Variants in SLC38A6 observed in about 807,000 individuals in gnomAD.
SLC38A6 encodes the protein N system amino acid transporter NAT-1.
A neutral mutation model predicts 65.0 loss-of-function variants in SLC38A6; 73 were observed. The ratio of observed to expected loss-of-function variants is 1.12; its 90% CI spans 0.93 to 1.37. The LOEUF (loss-of-function observed/expected upper bound fraction) is 1.37. Among genes scored for constraint, SLC38A6 ranks in the 40% most tolerant of loss-of-function variants. The probability of loss-of-function intolerance (pLI) is 0.00; values close to 1 mark genes in which losing one functional copy is unlikely to be tolerated. For missense variants in SLC38A6, 561 were observed against 531.1 expected (o/e 1.06, Z -0.55); for synonymous variants, 183 against 178.8 (o/e 1.02, Z -0.19).
intron 16 of SLC38A6, among the ~76,000 whole-genome samples, chr14:61,079,409 T>A (rs1263952114): frequency 6.6e-6 from 1 of 151,932 alleles, no homozygotes; most frequent in African/African-American, 2.4e-5. Context: ...AGTGCTGGGA[T>A]TACAGGTGTG....
chr14:60,981,781 G>T (rs2139655208), intron 1 of SLC38A6: 1 of 1,209,880 alleles, frequency 8.3e-7, no homozygotes, highest in East Asian at 5.6e-5. Context: ...TTAGTCATGG[G>T]GGGAGGGAAA....
rs750950129 is a variant in SLC38A6, at chr14:61,052,012, CCT to C, written c.1196-24_1196-23del. On this transcript the variant is annotated intron_variant, in intron 14 of 15. Transcript: ENST00000267488. ...GCCTCACATCTGAATCCAGCAATAT[CCT>C]CTCTTTTTTTTCCCTCCACTTTAAA... is the stretch of plus-strand genomic sequence containing the variant. 5 of 1,597,640 alleles carry C rather than the reference CCT, an allele frequency of 3.1e-6. No individual in the cohort carries two copies. The Admixed American group carries it at 5.2e-5, about 17-fold the overall frequency.
At chr14:60,995,399 T>C (rs1326161212) in intron 3 of SLC38A6, among the ~76,000 whole-genome samples, 1 of 152,168 alleles carries the variant, frequency 6.6e-6, no homozygotes, top group African/African-American at 2.4e-5. Context: ...CTCACATTCA[T>C]GTGGAATCTA....
At chr14:60,987,065 A>G (rs975723910) in intron 3 of SLC38A6, 8 of 421,372 alleles carry the variant, frequency 1.9e-5, no homozygotes, top group African/African-American at 6.3e-5. Context: ...ACTTGGGCCC[A>G]TGAACTAACT....
Position 61,076,555 on chromosome 14 carries a change from A to G in SLC38A6, c.1291-2255A>G, listed in dbSNP as rs181901708. On this transcript the variant is annotated intron_variant, in intron 15 of 16. Transcript: ENST00000354886. ...TAAGAATAGAAACTGAAGTTTGACT[A>G]TAAAGGCTGTGTGCTTAATTACCAT... is the stretch of plus-strand genomic sequence containing the variant. Among the ~76,000 whole-genome samples, 909 of 152,374 alleles carry G rather than the reference A, an allele frequency of 6.0e-3. 9 individuals carry two copies. The highest frequency in any genetic ancestry group is 0.021 in the African/African-American group (853 of 41,592).
downstream of SLC38A6, among the ~76,000 whole-genome samples, chr14:61,054,248 C>A (rs1268719535): frequency 1.3e-5 from 2 of 152,120 alleles, no homozygotes; most frequent in Admixed American, 6.6e-5. Flanking sequence ...TGTTTTTATA[C>A]CACTGTCATG....
At chr14:61,068,602 T>G (rs966088469) in intron 15 of SLC38A6, among the ~76,000 whole-genome samples, 1 of 152,200 alleles carries the variant, frequency 6.6e-6, no homozygotes, top group Non-Finnish European at 1.5e-5. Flanking sequence ...GGGTCAACTG[T>G]CACCCCCTCA....
rs185431427 is a variant in SLC38A6 at position 61,070,108 on chromosome 14, G to A, written c.1291-8702G>A. Among the ~76,000 whole-genome samples the A allele has an allele frequency of 4.5e-4, 69 of 152,264 alleles. 1 individual carries two copies. The highest frequency in any genetic ancestry group is 1.6e-3 in the African/African-American group (68 of 41,552). ...CCTCTTAACAAACTTGTAAGTGTAC[G>A]ATATAGTGTTGTTAATTATATGCAC... On this transcript the variant is annotated intron_variant, in intron 15 of 16. Coordinates refer to the SLC38A6 transcript ENST00000354886.
chr14:60,986,479 T>C (rs1224329331), intron 3 of SLC38A6, among the ~76,000 whole-genome samples: 1 of 152,238 alleles, frequency 6.6e-6, no homozygotes, highest in Non-Finnish European at 1.5e-5. Context: ...TAGCCACAAC[T>C]TCTAACAGTG....
At chr14:61,042,133 AT>A (rs1343036800) in intron 8 of SLC38A6, among the ~76,000 whole-genome samples, 1 of 151,800 alleles carries the variant, frequency 6.6e-6, no homozygotes, top group Non-Finnish European at 1.5e-5. Context: ...TTCTACAGTA[AT>A]TTTTTTCTTG....
chr14:61,002,832 T>C (rs1051717494), intron 3 of SLC38A6, among the ~76,000 whole-genome samples: 5 of 152,236 alleles, frequency 3.3e-5, no homozygotes, highest in African/African-American at 1.2e-4. Context: ...GTCATTTGTT[T>C]ACTTGAGGTC....
chr14:61,039,997 A>G (rs1048169764), intron 8 of SLC38A6, among the ~76,000 whole-genome samples: 4 of 152,132 alleles, frequency 2.6e-5, no homozygotes, highest in Admixed American at 2.6e-4. Flanking sequence ...AAAATAAATT[A>G]TATCTGTCTC....
intron 3 of SLC38A6, among the ~76,000 whole-genome samples, chr14:61,002,514 T>G (rs2038781419): frequency 6.6e-6 from 1 of 152,214 alleles, no homozygotes; most frequent in African/African-American, 2.4e-5. Flanking sequence ...GGCTCTTTAC[T>G]ATGACCAGAG....
At chr14:61,033,389 C>T (rs2041135671) in intron 6 of SLC38A6, among the ~76,000 whole-genome samples, 2 of 151,998 alleles carry the variant, frequency 1.3e-5, no homozygotes, top group Non-Finnish European at 2.9e-5. Context: ...ATTAAATCCA[C>T]AGATCAAACA....
chr14:61,000,412 G>A (rs572283077), intron 3 of SLC38A6, among the ~76,000 whole-genome samples: 34 of 152,342 alleles, frequency 2.2e-4, no homozygotes, highest in African/African-American at 7.9e-4. Flanking sequence ...GGTGGATCAC[G>A]AGGTCAGGAG....
At chr14:61,081,953 A>G (rs12890803) in intron 16 of SLC38A6, among the ~76,000 whole-genome samples, 23,131 of 152,096 alleles carry the variant, frequency 0.15, 2,168 homozygotes, top group East Asian at 0.28. Context: ...TATCGGTAAC[A>G]TGGGAGAGAC....
chr14:61,079,558 A>C (rs920538635), intron 16 of SLC38A6, among the ~76,000 whole-genome samples: 2 of 152,154 alleles, frequency 1.3e-5, no homozygotes, highest in Non-Finnish European at 2.9e-5. Context: ...TTACCTGACT[A>C]TGACTTAATG....
At chr14:61,014,799 G>T (rs1354635130) in intron 3 of SLC38A6, among the ~76,000 whole-genome samples, 1 of 152,162 alleles carries the variant, frequency 6.6e-6, no homozygotes, top group African/African-American at 2.4e-5. Context: ...CCCCTACAGG[G>T]GGGTGCCTCC....
At position 60,982,810 on chromosome 14, in the gene SLC38A6, A is replaced by G. The variant is rs542703944; in HGVS notation, c.236+172A>G. Reference sequence around the variant, plus strand: ...CTAGTGTGTACCTTGGAGGGCTACTACATAGCTTCTTAAATACACAGAAGT... The same window carrying G: ...CTAGTGTGTACCTTGGAGGGCTACTGCATAGCTTCTTAAATACACAGAAGT... On this transcript the variant is annotated intron_variant, in intron 2 of 15. Transcript: ENST00000267488. Among the ~76,000 whole-genome samples the G allele has an allele frequency of 4.6e-5, 7 of 152,316 alleles. No homozygotes were observed. The East Asian group carries it at 1.2e-3, about 25-fold the overall frequency.
Sources: allele counts gnomAD v4.1 joint callset (sites outside exome capture counted in the v4.1 genomes callset), GRCh38; gene constraint gnomAD v4.1.1; transcripts MANE v1.5; gene names NCBI Gene and HGNC (gene_info 2026-07-23, HGNC 2026-07-21).